Variants in NCAM1 observed in about 807,000 individuals in gnomAD.
The protein encoded by NCAM1 is neural cell adhesion molecule 1.
A neutral mutation model predicts 109.8 loss-of-function variants in NCAM1; 14 were observed. The observed-to-expected ratio is 0.13, with a 90% CI of 0.08 to 0.20. The LOEUF (loss-of-function observed/expected upper bound fraction) is 0.20, where lower values mean the gene tolerates loss of function less well. Among genes scored for constraint, NCAM1 ranks in the 10% least tolerant of loss-of-function variants. The probability of loss-of-function intolerance (pLI) is 1.00; values close to 1 mark genes in which losing one functional copy is unlikely to be tolerated. For missense variants in NCAM1, 774 were observed against 1,109.9 expected (o/e 0.70, Z 4.30); for synonymous variants, 418 against 442.9 (o/e 0.94, Z 0.70).
intron 1 of NCAM1, among the ~76,000 whole-genome samples, chr11:113,182,612 G>C (rs1209057046): frequency 6.6e-6 from 1 of 152,222 alleles, no homozygotes; most frequent in Non-Finnish European, 1.5e-5. Flanking sequence ...AAAGCTGGGA[G>C]TAGCTGGTTC....
chr11:113,205,582 G>A lies in NCAM1; in HGVS notation c.406G>A (p.Val136Met), dbSNP rs200921858. Reference protein sequence around the residue: ...PQEFREGEDAVIVCDVVSSLP... With the variant: ...PQEFREGEDAMIVCDVVSSLP... ...GGAGTTCCGGGAGGGGGAAGATGCC[G>A]TGATTGTGTGTGATGTGGTCAGCTC... Residue 136 changes from valine to methionine, a missense_variant, in exon 4 of 20, where the codon GTG becomes ATG. Physicochemically the swap from Val to Met is conservative, Grantham distance 21 (BLOSUM62 1). Coordinates refer to ENST00000316851, the MANE Select transcript of NCAM1 (RefSeq NM_181351.5). The A allele has an allele frequency of 1.6e-4, 258 of 1,613,472 alleles. No homozygotes were observed. Among genetic ancestry groups the A allele is most frequent in the Non-Finnish European group, 2.1e-4 (248 of 1,179,698 alleles).
chr11:113,161,464 T>C (rs1942599394), intron 1 of NCAM1, among the ~76,000 whole-genome samples: 1 of 152,176 alleles, frequency 6.6e-6, no homozygotes, highest in South Asian at 2.1e-4. Flanking sequence ...TCCTGTCAAA[T>C]GTGCAATTAC....
intron 8 of NCAM1, among the ~76,000 whole-genome samples, chr11:113,220,671 G>C (rs1463498221): frequency 2.2e-5 from 3 of 137,348 alleles, no homozygotes; most frequent in African/African-American, 8.6e-5. Context: ...GCAGTGGTGC[G>C]ATCTCGCTCA....
chr11:113,200,234 C>A (rs909550088), intron 1 of NCAM1, among the ~76,000 whole-genome samples: 52 of 152,182 alleles, frequency 3.4e-4, no homozygotes, highest in African/African-American at 1.2e-3. Context: ...ACTTAGGTGA[C>A]CGTGGCATAG....
Position 113,235,106 on chromosome 11 carries a change from C to T in NCAM1, c.1767C>T (p.Leu589=), listed in dbSNP as rs1945125711. The change falls in exon 14 of 20, where the codon CTC becomes CTT. Residue 589 remains leucine (L), a synonymous_variant. Coordinates refer to ENST00000316851, the MANE Select transcript of NCAM1 (RefSeq NM_181351.5). The stretch of plus-strand genomic sequence containing the variant: ...CGTACGCCGTAAGGCTGGCGGCGCT[C>T]AATGGCAAAGGGCTGGGTGAGATCA... ...ETTYAVRLAA[L]NGKGLGEISA... 1 of 1,610,672 alleles carries T rather than the reference C, an allele frequency of 6.2e-7. No individual in the cohort carries two copies. Among genetic ancestry groups the T allele is most frequent in the Non-Finnish European group, 8.5e-7 (1 of 1,178,350 alleles).
chr11:113,083,978 G>A (rs957913043), intron 1 of NCAM1, among the ~76,000 whole-genome samples: 7 of 152,196 alleles, frequency 4.6e-5, no homozygotes, highest in Non-Finnish European at 1.0e-4. Flanking sequence ...AGAAGCTGGG[G>A]AGGGAATAGA....
At chr11:113,110,906 A>G (rs1209549840) in intron 1 of NCAM1, among the ~76,000 whole-genome samples, 1 of 152,180 alleles carries the variant, frequency 6.6e-6, no homozygotes, top group African/African-American at 2.4e-5. Flanking sequence ...GAATAGCCAA[A>G]TAAATAATAT....
intron 1 of NCAM1, among the ~76,000 whole-genome samples, chr11:113,010,844 T>C (rs1169766981): frequency 6.6e-6 from 1 of 152,174 alleles, no homozygotes; most frequent in African/African-American, 2.4e-5. Context: ...ATGTGTCAAA[T>C]GAACACTTAA....
intron 1 of NCAM1, among the ~76,000 whole-genome samples, chr11:112,999,089 C>G (rs1266761422): frequency 1.3e-5 from 2 of 152,136 alleles, no homozygotes; most frequent in African/African-American, 4.8e-5. Context: ...AGTAAACCAT[C>G]ATTTGGTATG....
At chr11:113,185,204 G>C (rs1449157735) in intron 1 of NCAM1, among the ~76,000 whole-genome samples, 1 of 151,606 alleles carries the variant, frequency 6.6e-6, no homozygotes, top group Admixed American at 6.6e-5. Context: ...AGAGCTTATA[G>C]TCTAGTTTCA....
chr11:113,232,571 T>C, intron 11 of NCAM1, 147 bp from the exon 12 acceptor site: 1 of 809,898 alleles, frequency 1.2e-6, no homozygotes, highest in South Asian at 1.8e-5. Flanking sequence ...CCTCTGCTAT[T>C]CTTTTCTCTT....
At chr11:113,148,964 G>A (rs1483974442) in intron 1 of NCAM1, among the ~76,000 whole-genome samples, 36 of 152,196 alleles carry the variant, frequency 2.4e-4, no homozygotes, top group Non-Finnish European at 2.9e-5. Context: ...TCCTCCTTGG[G>A]CTGAGAGCTC....
At chr11:113,196,293 C>A (rs546570054) in intron 1 of NCAM1, among the ~76,000 whole-genome samples, 22 of 152,238 alleles carry the variant, frequency 1.4e-4, no homozygotes, top group African/African-American at 5.3e-4. Flanking sequence ...TCTGGAGCCC[C>A]CCATGTTATG....
chr11:113,269,880 AT>A (rs1317332284), intron 17 of NCAM1: 26 of 436,302 alleles, frequency 6.0e-5, no homozygotes, highest in African/African-American at 5.0e-4. Flanking sequence ...CAACTGCCTC[AT>A]TATCCGGTGT....
chr11:113,177,150 C>T (rs1555107182), intron 1 of NCAM1, among the ~76,000 whole-genome samples: 3 of 152,194 alleles, frequency 2.0e-5, no homozygotes, highest in Non-Finnish European at 4.4e-5. Context: ...ATGAGTCACA[C>T]ATTGCATATT....
chr11:113,158,740 A>G (rs1555103846), intron 1 of NCAM1, among the ~76,000 whole-genome samples: 1 of 152,236 alleles, frequency 6.6e-6, no homozygotes, highest in Non-Finnish European at 1.5e-5. Flanking sequence ...TGAGATGTGT[A>G]GTAGACATGC....
intron 14 of NCAM1, among the ~76,000 whole-genome samples, chr11:113,236,704 C>T (rs1011451461): frequency 4.6e-5 from 7 of 152,242 alleles, no homozygotes; most frequent in Non-Finnish European, 8.8e-5. Context: ...AAAGTGACCA[C>T]AGCCCCACCA....
At chr11:113,219,157 A>G (rs1187122606) in intron 8 of NCAM1, among the ~76,000 whole-genome samples, 1 of 152,234 alleles carries the variant, frequency 6.6e-6, no homozygotes, top group African/African-American at 2.4e-5. Flanking sequence ...ATCAGAAGAG[A>G]TAGGAAAAAT....
intron 1 of NCAM1, among the ~76,000 whole-genome samples, chr11:113,111,570 G>T (rs533284101): frequency 6.6e-6 from 1 of 152,192 alleles, no homozygotes; most frequent in Admixed American, 6.5e-5. Context: ...GAAGCGTTCT[G>T]TATCTTGATT....
Sources: gnomAD v4.1 joint callset for allele counts (sites outside exome capture counted in the v4.1 genomes callset) on GRCh38, gnomAD v4.1.1 for gene constraint, MANE v1.5 for transcripts, NCBI Gene and HGNC (gene_info 2026-07-23, HGNC 2026-07-21) for gene names.